Variants in MTHFSD observed in about 807,000 individuals in gnomAD.
MTHFSD encodes the protein methenyltetrahydrofolate synthetase domain containing.
A neutral mutation model predicts 31.1 loss-of-function variants in MTHFSD; 37 were observed. The observed-to-expected ratio is 1.19, with a 90% CI of 0.91 to 1.56. MTHFSD has a LOEUF of 1.56. Ranked by LOEUF, MTHFSD falls within the 40% of genes most tolerant of loss-of-function variation. MTHFSD has a pLI of 0.00. For synonymous variants in MTHFSD, 221 were observed against 206.9 expected (o/e 1.07, Z -0.59); for missense variants, 664 against 510.1 (o/e 1.30, Z -2.91).
chr16:86,543,002 G>C (rs907111391), intron 5 of MTHFSD, among the ~76,000 whole-genome samples: 1 of 152,208 alleles, frequency 6.6e-6, no homozygotes, highest in African/African-American at 2.4e-5. Flanking sequence ...CACTGCTGCC[G>C]TGTCTAAGAC....
chr16:86,548,638 T>A (rs1567551307), intron 3 of MTHFSD, 61 bp from the exon 4 acceptor site: 25 of 1,352,726 alleles, frequency 1.8e-5, no homozygotes, highest in Non-Finnish European at 2.6e-5. Flanking sequence ...GACTTTCTTA[T>A]ATGTATTTTT....
chr16:86,555,034 C>T, intron 1 of MTHFSD, 135 bp downstream of exon 1: 1 of 1,460,908 alleles, frequency 6.8e-7, no homozygotes, highest in Non-Finnish European at 9.0e-7. Context: ...GCACAGACCC[C>T]CTCTGACCTC....
intron 7 of MTHFSD, among the ~76,000 whole-genome samples, chr16:86,536,592 AC>A (rs1284101417): frequency 3.3e-5 from 5 of 152,212 alleles, no homozygotes; most frequent in African/African-American, 1.2e-4. Flanking sequence ...GCTGCGTTCG[AC>A]TGTACCCCAA....
In MTHFSD at chr16:86,542,247, G is replaced by T; in HGVS notation, c.443-34C>A. On this transcript the variant is annotated intron_variant, in intron 5 of 7. Transcript: ENST00000360900. This position sits in a 1 kb window ranked among gnomAD's most constrained non-coding sequence, Gnocchi z 4.6. ...CAACCGAGAATCAGTATCGCTGTGC[G>T]GTCCGGGGCATCGCTGAGAAGTGGA... 8 of 1,560,544 alleles carry T rather than the reference G, an allele frequency of 5.1e-6. No individual in the cohort carries two copies. Among genetic ancestry groups the T allele is most frequent in the Non-Finnish European group, 7.0e-6 (8 of 1,137,566 alleles).
At chr16:86,545,095 C>T (rs1410607544) in intron 5 of MTHFSD, among the ~76,000 whole-genome samples, 4 of 152,122 alleles carry the variant, frequency 2.6e-5, no homozygotes, top group African/African-American at 9.7e-5. Flanking sequence ...GGTAAAATAG[C>T]TAATGCATGC....
At position 86,552,265 on chromosome 16, in the gene MTHFSD, G is replaced by A. The variant is rs769435405; in HGVS notation, c.124-119C>T. On this transcript the variant is annotated intron_variant, in intron 2 of 7. Coordinates refer to ENST00000360900, the MANE Select transcript of MTHFSD (RefSeq NM_001159377.2). ...GCCGTTTTGAACGCCTGCAAGCGTGGGAGTTGCTCGGCAGCATGAGAAGCG... is the reference window on the plus strand; with the variant it reads ...GCCGTTTTGAACGCCTGCAAGCGTGAGAGTTGCTCGGCAGCATGAGAAGCG... 5.6e-6 allele frequency: 9 copies of A among 1,598,798 alleles called. No homozygotes were observed. The African/African-American group carries it at 9.4e-5, about 17-fold the overall frequency.
At chr16:86,554,290 C>A (rs1424108902) in intron 2 of MTHFSD, among the ~76,000 whole-genome samples, 1 of 152,226 alleles carries the variant, frequency 6.6e-6, no homozygotes, top group African/African-American at 2.4e-5. Context: ...ACTCTGAACA[C>A]ATCCAAACAT....
intron 7 of MTHFSD, among the ~76,000 whole-genome samples, chr16:86,540,304 C>G (rs187217767): frequency 2.5e-4 from 38 of 152,328 alleles, no homozygotes; most frequent in African/African-American, 8.7e-4. Flanking sequence ...CGACAAACAG[C>G]GAAGCCCCCG....
chr16:86,540,562 C>T (rs1192007773), intron 7 of MTHFSD, among the ~76,000 whole-genome samples: 1 of 152,228 alleles, frequency 6.6e-6, no homozygotes, highest in Non-Finnish European at 1.5e-5. Flanking sequence ...CTGCCAGCAG[C>T]TTCGCTGTGG....
chr16:86,536,506 C>T (rs1004442570), intron 7 of MTHFSD, among the ~76,000 whole-genome samples: 1 of 152,184 alleles, frequency 6.6e-6, no homozygotes, highest in East Asian at 1.9e-4. Context: ...TTTACAATCA[C>T]GCTTCGACTG....
chr16:86,555,161 C>A lies in MTHFSD; in HGVS notation c.16+8G>T, dbSNP rs374118014. ...CCAGCCGCCCCGGAGCCCCGCCAGG[C>A]CCCCCACCTGCCCTCGGCTCCATGG... On this transcript the variant is annotated splice_region_variant and intron_variant, in intron 1 of 7. Coordinates refer to ENST00000360900, the MANE Select transcript of MTHFSD (RefSeq NM_001159377.2). 23 of 1,536,162 alleles carry A rather than the reference C, an allele frequency of 1.5e-5. No individual in the cohort carries two copies. Among genetic ancestry groups the A allele is most frequent in the Admixed American group, 1.2e-4 (6 of 51,004 alleles).
chr16:86,544,424 T>C (rs1462788438), intron 5 of MTHFSD, among the ~76,000 whole-genome samples: 1 of 152,166 alleles, frequency 6.6e-6, no homozygotes, highest in Non-Finnish European at 1.5e-5. Flanking sequence ...GCAAAGGGCA[T>C]GAACAGACAC....
In MTHFSD at chr16:86,552,075, G is replaced by A. The variant is rs1446874881; in HGVS notation, c.195C>T (p.Asp65=). ...VFARTQEVKV[D]PDKPLEGVRL... ...GAACGCCTTCCAGTGGTTTATCAGG[G>A]TCCACTTTAACTTCCTGTGTTCTGG... Residue 65 remains aspartate, a synonymous_variant, in exon 3 of 8, where the codon GAC becomes GAT. Coordinates refer to ENST00000360900, the MANE Select transcript of MTHFSD (RefSeq NM_001159377.2). The A allele has an allele frequency of 1.9e-6, 3 of 1,614,070 alleles. No homozygotes were observed. Among genetic ancestry groups the A allele is most frequent in the Admixed American group, 3.3e-5 (2 of 60,008 alleles).
intron 5 of MTHFSD, among the ~76,000 whole-genome samples, 172 bp downstream of exon 5, chr16:86,546,387 C>T (rs908885261): frequency 4.6e-5 from 7 of 152,172 alleles, no homozygotes; most frequent in East Asian, 1.9e-4. Flanking sequence ...GGGCCAGAAG[C>T]GGGTGGGCTG....
intron 4 of MTHFSD, chr16:86,547,671 A>G (rs569295709): frequency 2.1e-6 from 1 of 485,254 alleles, no homozygotes; most frequent in Non-Finnish European, 2.7e-6. Context: ...CTCTCTCTAT[A>G]TATATATTTT....
rs1221609714 is a variant in MTHFSD, at chr16:86,532,097, G to C, written c.1066C>G (p.Gln356Glu). Residue 356 changes from glutamine to glutamate, a missense_variant, in exon 8 of 8, where the codon CAG (glutamine) becomes GAG (glutamate). Gln to Glu is a conservative substitution (Grantham distance 29). Transcript: ENST00000360900. ...FLHYPDSAAA[Q>E]QAVSCLQGLR... is the part of the protein sequence containing the mutation. ...CCCTGCAAGCAGGAGACGGCCTGCTGGGCTGCGGCAGAGTCCGGGTAATGG... is the reference window on the plus strand; with the variant it reads ...CCCTGCAAGCAGGAGACGGCCTGCTCGGCTGCGGCAGAGTCCGGGTAATGG... 1.3e-6 allele frequency: 2 copies of C among 1,537,158 alleles called. No homozygotes were observed. Among genetic ancestry groups the C allele is most frequent in the Non-Finnish European group, 1.8e-6 (2 of 1,139,892 alleles).
intron 2 of MTHFSD, chr16:86,553,724 C>CAGTGGGGGGGGGGGGTA (rs1555529170): frequency 6.5e-6 from 1 of 152,722 alleles, no homozygotes; most frequent in Non-Finnish European, 1.5e-5. Flanking sequence ...CACTGCCCAA[C>CAGTGGGGGGGGGGGGTA]GGCTGAGGAG....
At position 86,550,488 on chromosome 16, in the gene MTHFSD, G is replaced by T. The variant is rs1021778220; in HGVS notation, c.237+1545C>A. Among the ~76,000 whole-genome samples the T allele has an allele frequency of 2.0e-5, 3 of 152,316 alleles. No individual in the cohort carries two copies. The East Asian group carries it at 5.8e-4, about 29-fold the overall frequency. Reference sequence around the variant, plus strand: ...AACACCCTGAACTTCACACTTGCAAGGACTGGCTCTGGAGTCAGGTGGCTG... The same window carrying T: ...AACACCCTGAACTTCACACTTGCAATGACTGGCTCTGGAGTCAGGTGGCTG... On this transcript the variant is annotated intron_variant, in intron 3 of 7. Coordinates refer to ENST00000360900, the MANE Select transcript of MTHFSD (RefSeq NM_001159377.2).
intron 4 of MTHFSD, chr16:86,547,570 T>C (rs921390954): frequency 9.1e-6 from 9 of 988,212 alleles, no homozygotes; most frequent in Non-Finnish European, 6.0e-6. Context: ...ACTGACCAAC[T>C]GCAAAGGAAG....
Sources: gnomAD v4.1 joint callset for allele counts (sites outside exome capture counted in the v4.1 genomes callset) on GRCh38, gnomAD v4.1.1 for gene constraint, Gnocchi (gnomAD v3.1) non-coding constraint, MANE v1.5 for transcripts, NCBI Gene and HGNC (gene_info 2026-07-23, HGNC 2026-07-21) for gene names.